Variants in RHAG observed in about 807,000 individuals in gnomAD.
RHAG encodes the protein ammonium transporter Rh type A.
Under a neutral mutation model 42.4 loss-of-function variants are expected in RHAG, and 25 were observed. The observed-to-expected ratio is 0.59, with a 90% CI of 0.43 to 0.82. The LOEUF (loss-of-function observed/expected upper bound fraction) is 0.82, where lower values mean the gene tolerates loss of function less well. RHAG is among the 40% of genes least tolerant of loss of function. The probability of loss-of-function intolerance (pLI) is 0.00; values close to 1 mark genes in which losing one functional copy is unlikely to be tolerated. For synonymous variants in RHAG, 182 were observed against 177.7 expected, an observed-to-expected ratio of 1.02 and a Z score of -0.19; for missense variants, 483 against 504.6, an observed-to-expected ratio of 0.96 and a Z score of 0.41.
chr6:49,611,325 C>G (rs1178076871), intron 6 of RHAG, among the ~76,000 whole-genome samples, 180 bp from the exon 7 acceptor site: 1 of 152,108 alleles, frequency 6.6e-6, no homozygotes, highest in Non-Finnish European at 1.5e-5. Flanking sequence ...AGAAAAAGGT[C>G]ATATAGTGAA....
chr6:49,623,143 G>T (rs144771790), intron 1 of RHAG, among the ~76,000 whole-genome samples: 4 of 152,296 alleles, frequency 2.6e-5, no homozygotes. Context: ...CGGCCATTGA[G>T]ACATTTTATA....
At chr6:49,611,974 C>T (rs968331908) in intron 6 of RHAG, among the ~76,000 whole-genome samples, 4 of 151,868 alleles carry the variant, frequency 2.6e-5, no homozygotes, top group African/African-American at 9.7e-5. Flanking sequence ...GTCTTGAACT[C>T]CTGACCTCAG....
chr6:49,629,902 G>A (rs558434808), intron 1 of RHAG, among the ~76,000 whole-genome samples: 11 of 152,220 alleles, frequency 7.2e-5, no homozygotes, highest in Middle Eastern at 3.4e-3. Context: ...AGAGCCGCAC[G>A]CAGCCCCGGT....
At chr6:49,622,904 C>T (rs1389606808) in intron 1 of RHAG, among the ~76,000 whole-genome samples, 1 of 147,606 alleles carries the variant, frequency 6.8e-6, no homozygotes, top group South Asian at 2.2e-4. Flanking sequence ...GGCGCTATCT[C>T]GGCTCACTGC....
At chr6:49,628,615 G>A (rs111510931) in intron 1 of RHAG, among the ~76,000 whole-genome samples, 4,261 of 151,938 alleles carry the variant, frequency 0.028, 209 homozygotes, top group African/African-American at 0.098. Flanking sequence ...AGACCTTCGC[G>A]GTGAGTATTA....
chr6:49,612,997 C>T (rs1562013339), intron 5 of RHAG, among the ~76,000 whole-genome samples: 1 of 151,154 alleles, frequency 6.6e-6, no homozygotes, highest in Non-Finnish European at 1.5e-5. Context: ...GTACACATTA[C>T]ATATGAAAGA....
At chr6:49,622,174 G>A (rs557352776) in intron 1 of RHAG, among the ~76,000 whole-genome samples, 1 of 149,964 alleles carries the variant, frequency 6.7e-6, no homozygotes, top group African/African-American at 2.4e-5. Flanking sequence ...GGTCCTTCCC[G>A]TGCTGTTCTC....
At chr6:49,634,617 A>C (rs1308838580) in intron 1 of RHAG, among the ~76,000 whole-genome samples, 1 of 152,086 alleles carries the variant, frequency 6.6e-6, no homozygotes, top group Admixed American at 6.6e-5. Context: ...TATATACACA[A>C]TGGAATCCCA....
At position 49,605,490 on chromosome 6, in the gene RHAG, ATG is replaced by A. The variant is rs1203110607; in HGVS notation, c.*321_*322del. 2.6e-6 allele frequency: 1 copy of A among 387,342 alleles called. No individual in the cohort carries two copies. Among genetic ancestry groups the A allele is most frequent in the Admixed American group, 3.8e-5 (1 of 25,984 alleles). The allele number at this position is 387,342 out of a possible 1,614,324, so 24.0% of individuals were successfully genotyped here. On this transcript the variant is annotated 3_prime_UTR_variant, in exon 10 of 10. Transcript: ENST00000371175. ...ATAGTGTCTACATTAAGAAACTGAC[ATG>A]TTTACTCTGTATTTACTCACTGCCA...
intron 1 of RHAG, among the ~76,000 whole-genome samples, chr6:49,624,269 A>T (rs1212982923): frequency 6.6e-6 from 1 of 152,112 alleles, no homozygotes. Context: ...GCAGTGGCGC[A>T]ATCTCGGCTC....
chr6:49,616,456 T>G (rs889540502), intron 3 of RHAG, among the ~76,000 whole-genome samples: 1 of 152,042 alleles, frequency 6.6e-6, no homozygotes, highest in Non-Finnish European at 1.5e-5. Context: ...AACTCAAGAC[T>G]TGAAACTTCA....
chr6:49,607,122 C>T, intron 8 of RHAG, 28 bp downstream of exon 8: 1 of 1,569,502 alleles, frequency 6.4e-7, no homozygotes, highest in Middle Eastern at 1.7e-4. Flanking sequence ...GCATAAGATA[C>T]AGGGAAGTGT....
intron 1 of RHAG, among the ~76,000 whole-genome samples, chr6:49,627,357 C>A (rs1418818763): frequency 2.6e-5 from 4 of 152,150 alleles, no homozygotes; most frequent in Non-Finnish European, 5.9e-5. Context: ...ACTATGCCAG[C>A]CTCTTTGTAT....
chr6:49,611,820 C>A (rs909047421), intron 6 of RHAG, among the ~76,000 whole-genome samples: 3 of 151,722 alleles, frequency 2.0e-5, no homozygotes, highest in Admixed American at 6.6e-5. Flanking sequence ...CGGCTCACTG[C>A]AACCTCCACC....
At chr6:49,635,807 T>G (rs1198899019) in intron 1 of RHAG, among the ~76,000 whole-genome samples, 1 of 152,148 alleles carries the variant, frequency 6.6e-6, no homozygotes, top group East Asian at 1.9e-4. Context: ...CTTAGACATA[T>G]GCTATGAAGT....
At chr6:49,607,639 A>G (rs1206470391) in intron 7 of RHAG, among the ~76,000 whole-genome samples, 1 of 152,212 alleles carries the variant, frequency 6.6e-6, no homozygotes, top group Non-Finnish European at 1.5e-5. Context: ...TATTGTAGAG[A>G]TAGCTCATTG....
intron 4 of RHAG, 107 bp from the exon 5 acceptor site, chr6:49,614,960 AT>A: frequency 9.2e-7 from 1 of 1,090,764 alleles, no homozygotes; most frequent in Non-Finnish European, 1.3e-6. Context: ...TTATTTATTT[AT>A]TTTTGAGATG....
At chr6:49,621,298 C>G (rs1484068839) in intron 1 of RHAG, among the ~76,000 whole-genome samples, 1 of 152,184 alleles carries the variant, frequency 6.6e-6, no homozygotes, top group Non-Finnish European at 1.5e-5. Flanking sequence ...TCAATTCTCT[C>G]TGGAAAATGC....
chr6:49,608,984 A>T (rs1320352062), intron 7 of RHAG, among the ~76,000 whole-genome samples: 1 of 152,168 alleles, frequency 6.6e-6, no homozygotes, highest in Non-Finnish European at 1.5e-5. Context: ...GATCAAATAA[A>T]CTTGGAAAAC....
Sources: allele counts gnomAD v4.1 joint callset (sites outside exome capture counted in the v4.1 genomes callset), GRCh38; gene constraint gnomAD v4.1.1; transcripts MANE v1.5; gene names NCBI Gene and HGNC (gene_info 2026-07-23, HGNC 2026-07-21).